SLC35A1: variants seen among roughly 807,000 people sequenced by gnomAD.
SLC35A1 encodes the protein CMP-sialic acid transporter.
In SLC35A1, 21 loss-of-function variants were observed where a neutral mutation model predicts 40.3. The observed-to-expected ratio is 0.52, with a 90% CI of 0.37 to 0.75. SLC35A1 has a LOEUF of 0.75. Ranked by LOEUF, SLC35A1 falls within the 30% of genes least tolerant of loss-of-function variation. SLC35A1 has a pLI of 0.00. For missense variants in SLC35A1, 297 were observed against 382.1 expected (o/e 0.78, Z 1.86); for synonymous variants, 146 against 147.3 (o/e 0.99, Z 0.06).
chr6:87,488,285 C>T (rs977462921), intron 2 of SLC35A1, among the ~76,000 whole-genome samples: 3 of 152,136 alleles, frequency 2.0e-5, no homozygotes, highest in Non-Finnish European at 4.4e-5. Flanking sequence ...CGTGTAAAAA[C>T]AATCTTATTT....
rs1055450367 is a variant in SLC35A1 at position 87,499,116 on chromosome 6, T to C, written c.195-1392T>C. On this transcript the variant is annotated intron_variant, in intron 2 of 7. Coordinates refer to ENST00000369552, the MANE Select transcript of SLC35A1 (RefSeq NM_006416.5). ...TAGGTCAAAGTTCCTGTCTTATTAA[T>C]TAAGCATTTTCTTGGAGGTAGAATG... The C allele has an allele frequency of 1.1e-5, 11 of 983,784 alleles. No individual in the cohort carries two copies. The African/African-American group carries it at 1.9e-4, about 17-fold the overall frequency. The allele number at this position is 983,784 out of a possible 1,614,324, so 60.9% of individuals were successfully genotyped here.
Position 87,511,474 on chromosome 6 carries a change from C to T in SLC35A1, c.962C>T (p.Thr321Ile), listed in dbSNP as rs146390025. ...TATGGATTACCCAGACAAGACACTACATCCATCCAACAAGGAGAAACAGCT... is the reference window on the plus strand; with the variant it reads ...TATGGATTACCCAGACAAGACACTATATCCATCCAACAAGGAGAAACAGCT... ...YLYGLPRQDTTSIQQGETASK... is the reference protein window; with the variant it reads ...YLYGLPRQDTISIQQGETASK... Residue 321 changes from threonine (T) to isoleucine (I), a missense_variant, in exon 8 of 8, where the codon ACA becomes ATA. Thr to Ile is a moderately conservative substitution (Grantham distance 89). Coordinates refer to ENST00000369552, the MANE Select transcript of SLC35A1 (RefSeq NM_006416.5). The T allele has an allele frequency of 1.2e-5, 20 of 1,613,742 alleles. No individual in the cohort carries two copies. In the African/African-American group the frequency reaches 1.9e-4, roughly 15 times the overall value.
At chr6:87,475,690 G>T (rs1769050523) in intron 1 of SLC35A1, among the ~76,000 whole-genome samples, 1 of 152,134 alleles carries the variant, frequency 6.6e-6, no homozygotes, top group African/African-American at 2.4e-5. Context: ...TGTATCTAAA[G>T]ATAATCTGTT....
At chr6:87,496,389 C>T (rs6927171) in intron 2 of SLC35A1, among the ~76,000 whole-genome samples, 59,039 of 152,054 alleles carry the variant, frequency 0.39, 11,557 homozygotes, top group Admixed American at 0.47. Context: ...TGATTATATA[C>T]GCTCTTTTGT....
intron 4 of SLC35A1, among the ~76,000 whole-genome samples, chr6:87,502,102 A>G (rs1038259116): frequency 1.3e-5 from 2 of 152,190 alleles, no homozygotes; most frequent in East Asian, 3.8e-4. Flanking sequence ...ACAGTATCAT[A>G]TCCCCACCCT....
chr6:87,480,687 A>G (rs1009112051), intron 2 of SLC35A1, among the ~76,000 whole-genome samples: 1 of 152,202 alleles, frequency 6.6e-6, no homozygotes, highest in Non-Finnish European at 1.5e-5. Context: ...AACCATAGAA[A>G]CGCTCTAAAG....
chr6:87,474,004 CTT>C (rs1403180997), intron 1 of SLC35A1, among the ~76,000 whole-genome samples: 1 of 152,222 alleles, frequency 6.6e-6, no homozygotes, highest in Non-Finnish European at 1.5e-5. Flanking sequence ...ATATGCTTCT[CTT>C]ATGTCTTCTT....
intron 4 of SLC35A1, among the ~76,000 whole-genome samples, chr6:87,505,016 T>C (rs949135520): frequency 1.3e-5 from 2 of 152,158 alleles, no homozygotes; most frequent in African/African-American, 4.8e-5. Flanking sequence ...CCCATTCCCA[T>C]AGTTTATGGT....
chr6:87,505,854 TG>T (rs1770064585), intron 4 of SLC35A1, among the ~76,000 whole-genome samples: 1 of 152,250 alleles, frequency 6.6e-6, no homozygotes, highest in Non-Finnish European at 1.5e-5. Context: ...AATCTCAACA[TG>T]TGTTTTGAAG....
At chr6:87,500,779 G>A (rs904616833) in intron 3 of SLC35A1, 112 bp downstream of exon 3, 87 of 1,035,712 alleles carry the variant, frequency 8.4e-5, no homozygotes, top group Non-Finnish European at 1.1e-4. Flanking sequence ...ATGGAGTCTC[G>A]CTCTTTCGTC....
chr6:87,498,726 CACCA>C (rs1769818743), intron 2 of SLC35A1, among the ~76,000 whole-genome samples: 1 of 152,086 alleles, frequency 6.6e-6, no homozygotes, highest in Non-Finnish European at 1.5e-5. Context: ...GCCGAGATTG[CACCA>C]TTGCACTCCA....
intron 6 of SLC35A1, 173 bp downstream of exon 6, chr6:87,508,769 T>C (rs1427372096): frequency 4.0e-6 from 3 of 756,034 alleles, no homozygotes; most frequent in Non-Finnish European, 6.3e-6. Context: ...GCAAAATTGC[T>C]TTGGGATAGC....
In SLC35A1 at chr6:87,511,694, C is replaced by CTAA. The variant is rs1297600015; in HGVS notation, c.*171_*173dup. On this transcript the variant is annotated 3_prime_UTR_variant, in exon 8 of 8. Transcript: ENST00000369552. ...CAAACGAAGCTATCTGAGTGAACTGCTAATACAGAAACTTAATGTAGACCT... is the reference window on the plus strand; with the variant it reads ...CAAACGAAGCTATCTGAGTGAACTGCTAATAATACAGAAACTTAATGTAGACCT... The CTAA allele has an allele frequency of 1.4e-6, 1 of 729,774 alleles. No homozygotes were observed. The highest frequency in any genetic ancestry group is 2.7e-5 in the East Asian group (1 of 37,342). 45.2% of individuals were successfully genotyped at this position (729,774 alleles called of 1,614,324 possible). A position where few individuals can be genotyped will look rare whatever the true frequency, so the allele number is the denominator to read the frequency against.
At chr6:87,485,522 T>C (rs1227603807) in intron 2 of SLC35A1, among the ~76,000 whole-genome samples, 1 of 152,052 alleles carries the variant, frequency 6.6e-6, no homozygotes, top group East Asian at 1.9e-4. Flanking sequence ...CCCAGCAGTT[T>C]AGAGGCCAAG....
intron 2 of SLC35A1, among the ~76,000 whole-genome samples, chr6:87,479,377 A>T (rs1171328463): frequency 6.6e-6 from 1 of 152,196 alleles, no homozygotes; most frequent in African/African-American, 2.4e-5. Context: ...GCATGGTATG[A>T]CACAGCACCC....
chr6:87,508,583 C>G lies in SLC35A1; in HGVS notation c.738C>G (p.Val246=). ...KGFFYGYTYY[V]WFVIFLASVG... ...TTTTCTATGGTTACACATATTATGT[C>G]TGGTTTGTCATCTGTAAGTATCCAG... Residue 246 remains valine, a synonymous_variant, in exon 6 of 8, where the codon GTC becomes GTG. Coordinates refer to ENST00000369552, the MANE Select transcript of SLC35A1 (RefSeq NM_006416.5). 3 of 1,612,086 alleles carry G rather than the reference C, an allele frequency of 1.9e-6. No homozygotes were observed. Among genetic ancestry groups the G allele is most frequent in the Non-Finnish European group, 2.5e-6 (3 of 1,179,288 alleles).
Position 87,477,213 on chromosome 6 carries a change from C to T in SLC35A1, c.17-149C>T, listed in dbSNP as rs78238771. ...TGTGCACGCTCATGTAATTGGCAAA[C>T]ATTGTTTTGAAAAAAATTTTTAAGC... On this transcript the variant is annotated intron_variant, in intron 1 of 7. Transcript: ENST00000369552. The T allele has an allele frequency of 0.043, 28,078 of 647,730 alleles. 798 individuals are homozygous for T. The highest frequency in any genetic ancestry group is 0.086 in the African/African-American group (4,702 of 54,450). The allele number at this position is 647,730 out of a possible 1,614,324, so 40.1% of individuals were successfully genotyped here.
rs143766084 is a variant in SLC35A1 at position 87,483,181 on chromosome 6, C to G, written c.194+5642C>G. Among the ~76,000 whole-genome samples the G allele has an allele frequency of 3.8e-4, 57 of 151,908 alleles. No homozygotes were observed. The East Asian group carries it at 9.7e-3, about 26-fold the overall frequency. ...TCTCTCTGTCTCTCTCTCTCTCTTT[C>G]TCTCTCTCTGACTCTCTGTCTCTTT... On this transcript the variant is annotated intron_variant, in intron 2 of 7. Coordinates refer to ENST00000369552, the MANE Select transcript of SLC35A1 (RefSeq NM_006416.5).
intron 2 of SLC35A1, among the ~76,000 whole-genome samples, chr6:87,496,564 G>T (rs1202261434): frequency 6.6e-6 from 1 of 151,872 alleles, no homozygotes; most frequent in Non-Finnish European, 1.5e-5. Context: ...GGATCACTTG[G>T]TCAGGAGTTC....
Sources: allele counts gnomAD v4.1 joint callset (sites outside exome capture counted in the v4.1 genomes callset), GRCh38; gene constraint gnomAD v4.1.1; transcripts MANE v1.5; gene names NCBI Gene and HGNC (gene_info 2026-07-23, HGNC 2026-07-21).